Variants in SQOR observed in about 807,000 individuals in gnomAD.
SQOR encodes sulfide quinone oxidoreductase, also known as sulfide:quinone oxidoreductase, mitochondrial.
SQOR carries 39 observed loss-of-function variants against 48.6 expected under a neutral mutation model. The ratio of observed to expected loss-of-function variants is 0.80; its 90% CI spans 0.62 to 1.05. The LOEUF (loss-of-function observed/expected upper bound fraction) is 1.05. Among genes scored for constraint, SQOR ranks in the 50% least tolerant of loss-of-function variants. The probability of loss-of-function intolerance (pLI) is 0.00; values close to 1 mark genes in which losing one functional copy is unlikely to be tolerated. For missense variants in SQOR, 561 were observed against 559.9 expected, an observed-to-expected ratio of 1.00 and a Z score of -0.02; for synonymous variants, 220 against 206.2, an observed-to-expected ratio of 1.07 and a Z score of -0.57.
At chr15:45,645,888 G>A (rs1895195628) in intron 1 of SQOR, 1 of 152,190 alleles carries the variant, frequency 6.6e-6, no homozygotes, top group Admixed American at 6.5e-5. Flanking sequence ...GGTGCAGGGA[G>A]TTTTCCCATG....
intron 1 of SQOR, among the ~76,000 whole-genome samples, chr15:45,636,465 G>A (rs1595568286): frequency 6.7e-6 from 1 of 149,638 alleles, no homozygotes; most frequent in Non-Finnish European, 1.5e-5. Flanking sequence ...GTGCAGTGGC[G>A]CGATCTCGGT....
intron 1 of SQOR, among the ~76,000 whole-genome samples, chr15:45,647,766 A>T (rs1327736746): frequency 2.0e-5 from 3 of 152,044 alleles, no homozygotes; most frequent in Non-Finnish European, 4.4e-5. Context: ...AAGTAGAAAA[A>T]TTAGCTGGGC....
At chr15:45,659,309 T>G in intron 2 of SQOR, 152 bp downstream of exon 2, 2 of 542,150 alleles carry the variant, frequency 3.7e-6, no homozygotes, top group African/African-American at 1.9e-5. Context: ...GAAAGCAGCC[T>G]ATCCAGAAGG....
intron 3 of SQOR, among the ~76,000 whole-genome samples, chr15:45,663,102 C>G (rs1479112219): frequency 1.3e-5 from 2 of 152,182 alleles, no homozygotes; most frequent in Non-Finnish European, 2.9e-5. Context: ...ACTGCAACCT[C>G]TACCTCCTGG....
intron 7 of SQOR, among the ~76,000 whole-genome samples, chr15:45,688,095 C>A (rs970337445): frequency 3.3e-5 from 5 of 152,182 alleles, no homozygotes; most frequent in Admixed American, 6.5e-5. Flanking sequence ...CTCCTTACAG[C>A]CACACTGGAG....
At chr15:45,649,843 T>G (rs1379647468) in intron 1 of SQOR, among the ~76,000 whole-genome samples, 1 of 150,824 alleles carries the variant, frequency 6.6e-6, no homozygotes, top group Middle Eastern at 3.3e-3. Flanking sequence ...GGCAATGCTT[T>G]TTGTTGTTGT....
At chr15:45,658,743 A>G (rs147289403) in intron 1 of SQOR, among the ~76,000 whole-genome samples, 164 bp from the exon 2 acceptor site, 2 of 152,340 alleles carry the variant, frequency 1.3e-5, no homozygotes, top group Non-Finnish European at 2.9e-5. Flanking sequence ...GGGTGCTCTC[A>G]GGAGACCTTG....
At chr15:45,659,306 G>A in intron 2 of SQOR, 149 bp downstream of exon 2, 1 of 563,034 alleles carries the variant, frequency 1.8e-6, no homozygotes, top group Non-Finnish European at 2.9e-6. Flanking sequence ...ACAGAAAGCA[G>A]CCTATCCAGA....
At chr15:45,688,677 A>C (rs1890266675) in intron 8 of SQOR, among the ~76,000 whole-genome samples, 1 of 151,980 alleles carries the variant, frequency 6.6e-6, no homozygotes, top group Non-Finnish European at 1.5e-5. Context: ...ACACCTGGCT[A>C]ATTTTTTGTA....
chr15:45,642,922 A>G (rs571528091), intron 1 of SQOR, among the ~76,000 whole-genome samples: 54 of 152,280 alleles, frequency 3.5e-4, no homozygotes, highest in Admixed American at 6.5e-4. Flanking sequence ...TCACACCTGG[A>G]CCACTCCAAT....
intron 1 of SQOR, among the ~76,000 whole-genome samples, chr15:45,653,621 C>G (rs2140944404): frequency 6.6e-6 from 1 of 152,250 alleles, no homozygotes; most frequent in East Asian, 1.9e-4. Context: ...AGAGTTCCAA[C>G]CCTCTAATCG....
At chr15:45,676,378 G>T (rs1406677147) in intron 6 of SQOR, 68 bp downstream of exon 6, 3 of 1,431,424 alleles carry the variant, frequency 2.1e-6, no homozygotes, top group African/African-American at 2.8e-5. Context: ...ATACATGGGG[G>T]CTCACACCAC....
At chr15:45,656,580 C>T (rs1239192696) in intron 1 of SQOR, among the ~76,000 whole-genome samples, 1 of 152,062 alleles carries the variant, frequency 6.6e-6, no homozygotes, top group Admixed American at 6.6e-5. Flanking sequence ...GTGTGAGCCA[C>T]CATGCCCAGC....
In SQOR at chr15:45,673,675, G is replaced by C; in HGVS notation, c.528G>C (p.Glu176Asp). ...CGAATTATTCAGTTAAGACTGTAGA[G>C]AAGACATGGAAAGCTCTGCAGGACT... ...IGSNYSVKTV[E>D]KTWKALQDFK... is the part of the protein sequence containing the mutation. The change falls in exon 5 of 10, where the codon GAG becomes GAC. Residue 176 changes from glutamate (E) to aspartate (D), a missense_variant. Transcript: ENST00000260324. 6.2e-7 allele frequency: 1 copy of C among 1,614,208 alleles called. No homozygotes were observed. The highest frequency in any genetic ancestry group is 8.5e-7 in the Non-Finnish European group (1 of 1,180,030).
chr15:45,640,105 C>T (rs935168152), intron 1 of SQOR, among the ~76,000 whole-genome samples: 2 of 152,134 alleles, frequency 1.3e-5, no homozygotes, highest in African/African-American at 2.4e-5. Flanking sequence ...TGGGGACTTG[C>T]GGGGAGAGAT....
intron 1 of SQOR, among the ~76,000 whole-genome samples, chr15:45,657,229 G>A (rs1417311122): frequency 6.6e-6 from 1 of 150,718 alleles, no homozygotes; most frequent in Non-Finnish European, 1.5e-5. Context: ...TATTAAAGTG[G>A]TGACCTGAGC....
intron 6 of SQOR, among the ~76,000 whole-genome samples, chr15:45,681,641 TA>T (rs1271069532): frequency 6.6e-6 from 1 of 152,214 alleles, no homozygotes; most frequent in Non-Finnish European, 1.5e-5. Context: ...AATGTGTCCT[TA>T]ACTGGACCCA....
At chr15:45,681,377 C>T (rs1232151326) in intron 6 of SQOR, among the ~76,000 whole-genome samples, 1 of 152,180 alleles carries the variant, frequency 6.6e-6, no homozygotes, top group African/African-American at 2.4e-5. Context: ...CCAAGGTTAT[C>T]CTGCAGATGA....
At chr15:45,666,058 C>T (rs546758052) in intron 3 of SQOR, among the ~76,000 whole-genome samples, 2 of 152,184 alleles carry the variant, frequency 1.3e-5, no homozygotes, top group African/African-American at 4.8e-5. Context: ...CCAGGCTTAA[C>T]CTGGTTCTAT....
Sources: gnomAD v4.1 joint callset for allele counts (sites outside exome capture counted in the v4.1 genomes callset) on GRCh38, gnomAD v4.1.1 for gene constraint, MANE v1.5 for transcripts, NCBI Gene and HGNC (gene_info 2026-07-23, HGNC 2026-07-21) for gene names.